The following SNX14 variants were observed in gnomAD, a reference collection of about 807,000 sequenced individuals.
The protein encoded by SNX14 is sorting nexin 14.
Under a neutral mutation model 133.8 loss-of-function variants are expected in SNX14, and 93 were observed. The observed-to-expected ratio is 0.70, with a 90% CI of 0.59 to 0.83. SNX14 has a LOEUF of 0.83. SNX14 is among the 40% of genes least tolerant of loss of function. The pLI is 0.00. For synonymous variants in SNX14, 368 were observed against 365.6 expected, an observed-to-expected ratio of 1.01 and a Z score of -0.07; for missense variants, 945 against 1,094.9, an observed-to-expected ratio of 0.86 and a Z score of 1.93.
Position 85,542,690 on chromosome 6 carries a change from G to A in SNX14, c.1389+492C>T, listed in dbSNP as rs112264715. Reference sequence around the variant, plus strand: ...ATTATAGGCCTGAGCCACCACACCCGGCCTTTGCAATTATTTTTTAATCTT... The same window carrying A: ...ATTATAGGCCTGAGCCACCACACCCAGCCTTTGCAATTATTTTTTAATCTT... On this transcript the variant is annotated intron_variant, in intron 14 of 28. Transcript: ENST00000314673. Among the ~76,000 whole-genome samples, 534 of 151,790 alleles carry A rather than the reference G, an allele frequency of 3.5e-3. 5 individuals are homozygous for A. The highest frequency in any genetic ancestry group is 0.012 in the African/African-American group (505 of 41,378).
chr6:85,514,960 A>T (rs574828714), intron 23 of SNX14, among the ~76,000 whole-genome samples: 1 of 152,280 alleles, frequency 6.6e-6, no homozygotes, highest in Admixed American at 6.5e-5. Context: ...ATTGATAGCT[A>T]ACTTTAAAAC....
chr6:85,549,765 A>T lies in SNX14; in HGVS notation c.749T>A (p.Leu250Gln). 3 of 1,613,906 alleles carry T rather than the reference A, an allele frequency of 1.9e-6. No homozygotes were observed. The South Asian group carries it at 3.3e-5, about 18-fold the overall frequency. The change falls in exon 8 of 29, where the codon CTG (leucine) becomes CAG (glutamine). Residue 250 changes from leucine to glutamine, a missense_variant. By Grantham distance (113) the Leu-to-Gln change is moderately radical (BLOSUM62 -2). Transcript: ENST00000314673. ...ELHYLRKLTE[L>Q]LFPYILPPKA... The stretch of plus-strand genomic sequence containing the variant: ...AGGAGGCAAAATATAAGGAAAAAGC[A>T]GTTCAGTAAGTTTCCTTAAATAGTG...
At chr6:85,586,576 T>A (rs1014750055) in intron 1 of SNX14, among the ~76,000 whole-genome samples, 2 of 152,194 alleles carry the variant, frequency 1.3e-5, no homozygotes, top group African/African-American at 4.8e-5. Flanking sequence ...GAAGTGATTT[T>A]TTTTTTATTT....
intron 1 of SNX14, among the ~76,000 whole-genome samples, chr6:85,584,200 A>T (rs1799946977): frequency 6.6e-6 from 1 of 152,254 alleles, no homozygotes; most frequent in Non-Finnish European, 1.5e-5. Context: ...AGCCATATGC[A>T]GAAAACTGAA....
At chr6:85,532,249 G>GGTTTAGCT (rs1780533040) in intron 18 of SNX14, among the ~76,000 whole-genome samples, 1 of 152,128 alleles carries the variant, frequency 6.6e-6, no homozygotes, top group South Asian at 2.1e-4. Context: ...TATTGACAAT[G>GGTTTAGCT]GTTTAGCTGT....
intron 26 of SNX14, among the ~76,000 whole-genome samples, chr6:85,513,526 C>A (rs892389300): frequency 6.6e-6 from 1 of 152,240 alleles, no homozygotes. Flanking sequence ...AATTGTCCCA[C>A]ATGTCACTTT....
At chr6:85,534,777 A>G (rs1273565701) in intron 17 of SNX14, among the ~76,000 whole-genome samples, 2 of 152,046 alleles carry the variant, frequency 1.3e-5, no homozygotes, top group African/African-American at 4.8e-5. Flanking sequence ...TATCGAATAG[A>G]GAAAAGATAG....
intron 1 of SNX14, among the ~76,000 whole-genome samples, chr6:85,583,934 A>G (rs935791026): frequency 3.9e-5 from 6 of 152,228 alleles, no homozygotes; most frequent in Non-Finnish European, 7.3e-5. Flanking sequence ...AAGAGCCTAT[A>G]TAGCCAGACA....
In SNX14 at chr6:85,541,980, C is replaced by G; in HGVS notation, c.1448+5G>C. ...GCAAGTTCAAAAACAAAACATACAACCTACCTGTTCAATTTTGAATTGCGT... is the reference window on the plus strand; with the variant it reads ...GCAAGTTCAAAAACAAAACATACAAGCTACCTGTTCAATTTTGAATTGCGT... On this transcript the variant is annotated splice_donor_5th_base_variant and intron_variant, in intron 15 of 28. Transcript: ENST00000314673. 6.3e-7 allele frequency: 1 copy of G among 1,593,668 alleles called. No individual in the cohort carries two copies. Among genetic ancestry groups the G allele is most frequent in the Non-Finnish European group, 8.5e-7 (1 of 1,171,208 alleles).
intron 1 of SNX14, among the ~76,000 whole-genome samples, chr6:85,580,560 G>A (rs901410844): frequency 5.3e-5 from 8 of 152,134 alleles, no homozygotes; most frequent in African/African-American, 1.9e-4. Context: ...CCAGGCCTTG[G>A]CTCTTAGATG....
chr6:85,586,465 A>G (rs1378383006), intron 1 of SNX14, among the ~76,000 whole-genome samples: 1 of 152,228 alleles, frequency 6.6e-6, no homozygotes, highest in African/African-American at 2.4e-5. Context: ...GAACAACTGC[A>G]CTATATATTT....
chr6:85,559,624 C>T (rs1055378850), intron 6 of SNX14, among the ~76,000 whole-genome samples: 5 of 152,160 alleles, frequency 3.3e-5, no homozygotes, highest in African/African-American at 1.2e-4. Context: ...TTTGCTAACA[C>T]TTTGACAAAG....
rs1378447664 is a variant in SNX14, at chr6:85,513,820, T to G, written c.2633A>C (p.Glu878Ala). The G allele has an allele frequency of 1.2e-6, 2 of 1,612,108 alleles. No individual in the cohort carries two copies. Among genetic ancestry groups the G allele is most frequent in the Non-Finnish European group, 1.7e-6 (2 of 1,178,846 alleles). ...KQKGAKQTFE[E>A]MMNYIPDLLV... is the part of the protein sequence containing the mutation. ...TACACCTGGAATGTAATTCATCATTTCTTCAAAAGTCTGTTTTGCTCCTTT... is the reference window on the plus strand; with the variant it reads ...TACACCTGGAATGTAATTCATCATTGCTTCAAAAGTCTGTTTTGCTCCTTT... Residue 878 changes from glutamate to alanine, a missense_variant, in exon 26 of 29, where the codon GAA (glutamate) becomes GCA (alanine). Around this residue, in one of 3 missense-constraint regions of SNX14, gnomAD observed 412 missense variants for 516.6 expected, o/e 0.80. Coordinates refer to ENST00000314673, the MANE Select transcript of SNX14 (RefSeq NM_153816.6).
At chr6:85,529,910 G>A (rs1329650989) in intron 19 of SNX14, among the ~76,000 whole-genome samples, 7 of 152,010 alleles carry the variant, frequency 4.6e-5, no homozygotes, top group African/African-American at 1.2e-4. Flanking sequence ...ACGAAAAAGA[G>A]TAAATAGAGA....
chr6:85,516,632 C>CTTTTTT (rs746721196), intron 23 of SNX14, among the ~76,000 whole-genome samples: 4 of 126,422 alleles, frequency 3.2e-5, no homozygotes, highest in Non-Finnish European at 3.3e-5. Flanking sequence ...CTTCCTTAAT[C>CTTTTTT]TTTTTTTTTT....
Position 85,514,141 on chromosome 6 carries a change from T to G in SNX14, c.2486A>C (p.Tyr829Ser). The G allele has an allele frequency of 1.2e-6, 2 of 1,613,932 alleles. No individual in the cohort carries two copies. Among genetic ancestry groups the G allele is most frequent in the East Asian group, 4.5e-5 (2 of 44,860 alleles). The change falls in exon 25 of 29, where the codon TAC becomes TCC. Residue 829 changes from tyrosine (Y) to serine (S), a missense_variant. By Grantham distance (144) the Tyr-to-Ser change is moderately radical. Coordinates refer to ENST00000314673, the MANE Select transcript of SNX14 (RefSeq NM_153816.6). Reference sequence around the variant, plus strand: ...CTGTTCTAGTTTACACTGAAGATAGTAATCAGTATACATTTCCAGGGTGTT... The same window carrying G: ...CTGTTCTAGTTTACACTGAAGATAGGAATCAGTATACATTTCCAGGGTGTT... The part of the protein sequence containing the change: ...FKNTLEMYTD[Y>S]YLQCKLEQLF...
At position 85,571,383 on chromosome 6, in the gene SNX14, G is replaced by C. The variant is rs1346521144; in HGVS notation, c.417+754C>G. Among the ~76,000 whole-genome samples, 3 of 148,516 alleles carry C rather than the reference G, an allele frequency of 2.0e-5. No individual in the cohort carries two copies. The East Asian group carries it at 5.9e-4, about 29-fold the overall frequency. On this transcript the variant is annotated intron_variant, in intron 4 of 28. Coordinates refer to ENST00000314673, the MANE Select transcript of SNX14 (RefSeq NM_153816.6). ...TCAAAAAAAAAAAAAAAAGGCCTTA[G>C]AGAGGCAAAGAAAAAAATGCCAAAT...
intron 23 of SNX14, among the ~76,000 whole-genome samples, chr6:85,516,715 G>A (rs996911418): frequency 1.4e-5 from 2 of 139,796 alleles, no homozygotes; most frequent in African/African-American, 5.5e-5. Flanking sequence ...TCAGCTCACT[G>A]CAACCTCCAC....
chr6:85,536,157 T>C (rs984874186), intron 17 of SNX14, among the ~76,000 whole-genome samples: 4 of 152,198 alleles, frequency 2.6e-5, no homozygotes, highest in African/African-American at 9.6e-5. Context: ...TAAAGGTTTA[T>C]GGGGAACAGT....
Sources: allele counts gnomAD v4.1 joint callset (sites outside exome capture counted in the v4.1 genomes callset), GRCh38; gene constraint gnomAD v4.1.1; regional missense constraint gnomAD v4.1.1; transcripts MANE v1.5; gene names NCBI Gene and HGNC (gene_info 2026-07-23, HGNC 2026-07-21).